C3orf70: variants seen among roughly 807,000 people sequenced by gnomAD.
C3orf70 encodes the protein chromosome 3 open reading frame 70.
C3orf70 carries 15 observed loss-of-function variants against 20.7 expected under a neutral mutation model. The observed-to-expected ratio is 0.72, with a 90% confidence interval of 0.48 to 1.11. The LOEUF is 1.11. Ranked by LOEUF, C3orf70 falls within the 50% of genes most tolerant of loss-of-function variation. The pLI, the probability that C3orf70 is intolerant of heterozygous loss-of-function variation, is 0.00. For missense variants in C3orf70, 332 were observed against 317.6 expected (o/e 1.05, Z -0.34); for synonymous variants, 161 against 125.7 (o/e 1.28, Z -1.88).
At chr3:185,126,525 T>TA (rs1190264650) in intron 1 of C3orf70, among the ~76,000 whole-genome samples, 1 of 151,974 alleles carries the variant, frequency 6.6e-6, no homozygotes, top group East Asian at 1.9e-4. Flanking sequence ...CAGGAAGAAA[T>TA]ACGTGAGAAA....
chr3:185,109,588 GGACA>G (rs1716020023), intron 1 of C3orf70, among the ~76,000 whole-genome samples: 1 of 152,108 alleles, frequency 6.6e-6, no homozygotes, highest in East Asian at 1.9e-4. Flanking sequence ...GAGGAAAGGG[GGACA>G]GTCAGTCACA....
At chr3:185,134,524 T>C (rs554869552) in intron 1 of C3orf70, among the ~76,000 whole-genome samples, 44 of 152,110 alleles carry the variant, frequency 2.9e-4, no homozygotes, top group African/African-American at 9.6e-4. Flanking sequence ...TTGCCAGACT[T>C]GGGGCTAAAA....
At position 185,082,872 on chromosome 3, in the gene C3orf70, C is replaced by T. The variant is rs1715373615; in HGVS notation, c.*135G>A. On this transcript the variant is annotated 3_prime_UTR_variant, in exon 2 of 2. Transcript: ENST00000335012. ...CGGAGAGAAGCTAATCAGCATACCA[C>T]TGAACTGCTACGGTTGTTGGTTGGA... The T allele has an allele frequency of 3.8e-6, 3 of 791,622 alleles. No individual in the cohort carries two copies. The highest frequency in any genetic ancestry group is 6.2e-6 in the Non-Finnish European group (3 of 482,208). 49.0% of individuals were successfully genotyped at this position (791,622 alleles called of 1,614,324 possible).
At chr3:185,092,989 C>CA (rs35779843) in intron 1 of C3orf70, among the ~76,000 whole-genome samples, 3,178 of 129,872 alleles carry the variant, frequency 0.024, 95 homozygotes, top group African/African-American at 0.084. Flanking sequence ...GACTCCATCT[C>CA]AAAAAAAAAA....
chr3:185,094,074 G>GTTTTTTTTTTTTTTTTTTTTTTT (rs71162282), intron 1 of C3orf70, among the ~76,000 whole-genome samples: 1 of 80,644 alleles, frequency 1.2e-5, no homozygotes. Flanking sequence ...ATACCCTGGG[G>GTTTTTTTTTTTTTTTTTTTTTTT]TTTTTTTTTT....
chr3:185,096,283 A>G (rs1715703412), intron 1 of C3orf70, among the ~76,000 whole-genome samples: 1 of 152,186 alleles, frequency 6.6e-6, no homozygotes, highest in African/African-American at 2.4e-5. Flanking sequence ...TAGTGTGTCT[A>G]CTTCATTGTC....
chr3:185,140,780 C>T (rs1275375401), intron 1 of C3orf70, among the ~76,000 whole-genome samples: 4 of 144,142 alleles, frequency 2.8e-5, no homozygotes, highest in African/African-American at 1.0e-4. Flanking sequence ...GAAACCCCGT[C>T]TCTACTAAAA....
intron 1 of C3orf70, among the ~76,000 whole-genome samples, chr3:185,105,118 G>A (rs1295064841): frequency 6.6e-6 from 1 of 152,148 alleles, no homozygotes; most frequent in African/African-American, 2.4e-5. Context: ...GTTAAAATTA[G>A]CAAATATACT....
intron 1 of C3orf70, among the ~76,000 whole-genome samples, chr3:185,107,707 T>G (rs947854275): frequency 4.6e-5 from 7 of 152,152 alleles, no homozygotes; most frequent in South Asian, 2.1e-4. Context: ...TTTTCCTAAC[T>G]AAGAAAAAAT....
chr3:185,091,945 ATATATATATATATATATATTTTT>A (rs1351070646), intron 1 of C3orf70, among the ~76,000 whole-genome samples: 522 of 6,892 alleles, frequency 0.076, 66 homozygotes, highest in East Asian at 0.31. Context: ...ATATATATAT[ATATATATATATATATATATTTTT>A]TTTTTTTTTT....
chr3:185,114,995 T>G (rs1716146529), intron 1 of C3orf70, among the ~76,000 whole-genome samples: 1 of 152,254 alleles, frequency 6.6e-6, no homozygotes, highest in Non-Finnish European at 1.5e-5. Context: ...TTTAATTTTT[T>G]ATAAAATGAG....
At chr3:185,123,572 T>C (rs1716350955) in intron 1 of C3orf70, among the ~76,000 whole-genome samples, 3 of 151,442 alleles carry the variant, frequency 2.0e-5, no homozygotes, top group Admixed American at 2.0e-4. Flanking sequence ...ACTCCTAGGC[T>C]CAAGCGATCC....
intron 1 of C3orf70, among the ~76,000 whole-genome samples, chr3:185,100,198 C>A (rs551619083): frequency 1.3e-5 from 2 of 152,246 alleles, no homozygotes; most frequent in South Asian, 4.2e-4. Context: ...ATCAAATGGA[C>A]CTGATAGACA....
At chr3:185,137,213 C>T (rs748967950) in intron 1 of C3orf70, among the ~76,000 whole-genome samples, 7 of 152,216 alleles carry the variant, frequency 4.6e-5, no homozygotes, top group African/African-American at 9.6e-5. Context: ...CCGCCATCCA[C>T]GTAAGATGTG....
intron 1 of C3orf70, among the ~76,000 whole-genome samples, chr3:185,091,821 A>G (rs2108588622): frequency 6.9e-6 from 1 of 144,832 alleles, no homozygotes; most frequent in Admixed American, 7.0e-5. Flanking sequence ...AGTAGCTGGG[A>G]TTACAGGCAC....
In C3orf70 at chr3:185,105,342, C is replaced by A. The variant is rs544551220; in HGVS notation, c.197-21779G>T. ...GGTTGTGGGTTCACGGGAATGAGGG[C>A]AAGGAACACCTGGCCCACTCAGGGT... On this transcript the variant is annotated intron_variant, in intron 1 of 1. Transcript: ENST00000335012. Among the ~76,000 whole-genome samples the A allele has an allele frequency of 1.9e-4, 29 of 152,354 alleles. 2 individuals are homozygous for A. In the South Asian group the frequency reaches 6.0e-3, roughly 32 times the overall value.
At chr3:185,091,474 G>T (rs1715568539) in intron 1 of C3orf70, among the ~76,000 whole-genome samples, 2 of 152,058 alleles carry the variant, frequency 1.3e-5, no homozygotes, top group African/African-American at 2.4e-5. Context: ...AAGAGAATGT[G>T]GTCTGGTAAA....
At chr3:185,127,077 A>T (rs1716426490) in intron 1 of C3orf70, among the ~76,000 whole-genome samples, 1 of 152,234 alleles carries the variant, frequency 6.6e-6, no homozygotes, top group Non-Finnish European at 1.5e-5. Context: ...CATATCCAGG[A>T]AAATCTGAAA....
chr3:185,110,857 A>G (rs954916245), intron 1 of C3orf70, among the ~76,000 whole-genome samples: 1 of 152,220 alleles, frequency 6.6e-6, no homozygotes, highest in South Asian at 2.1e-4. Context: ...AGTTAATTTA[A>G]TATCTATAGA....
Sources: gnomAD v4.1 joint callset for allele counts (sites outside exome capture counted in the v4.1 genomes callset) on GRCh38, gnomAD v4.1.1 for gene constraint, MANE v1.5 for transcripts, NCBI Gene and HGNC (gene_info 2026-07-23, HGNC 2026-07-21) for gene names.